Variants in DTNB observed in about 807,000 individuals in gnomAD.
DTNB encodes DTN-B.
DTNB carries 63 observed loss-of-function variants against 90.7 expected under a neutral mutation model. That is an observed-to-expected ratio of 0.69 (90% CI 0.57 to 0.86). The LOEUF (loss-of-function observed/expected upper bound fraction) is 0.86. Ranked by LOEUF, DTNB falls within the 40% of genes least tolerant of loss-of-function variation. The probability of loss-of-function intolerance (pLI) is 0.00; values close to 1 mark genes in which losing one functional copy is unlikely to be tolerated. For synonymous variants in DTNB, 277 were observed against 286.7 expected (o/e 0.97, Z 0.34); for missense variants, 744 against 807.1 (o/e 0.92, Z 0.95).
intron 8 of DTNB, among the ~76,000 whole-genome samples, chr2:25,563,222 AATT>A (rs2058521051): frequency 6.6e-6 from 1 of 152,192 alleles, no homozygotes; most frequent in African/African-American, 2.4e-5. Context: ...ATGAAACAAT[AATT>A]TCCCATTTTC....
chr2:25,641,411 A>G (rs1405930801), intron 2 of DTNB, among the ~76,000 whole-genome samples: 2 of 152,204 alleles, frequency 1.3e-5, no homozygotes, highest in East Asian at 3.8e-4. Flanking sequence ...CTGGTTTCTT[A>G]GAAGGAAAGT....
intron 12 of DTNB, among the ~76,000 whole-genome samples, chr2:25,444,345 A>G (rs2058055023): frequency 1.3e-5 from 2 of 152,012 alleles, no homozygotes; most frequent in South Asian, 4.1e-4. Context: ...CCTGGCCAAC[A>G]TGGTGAAACC....
intron 8 of DTNB, among the ~76,000 whole-genome samples, chr2:25,537,841 G>A (rs1032862022): frequency 6.6e-6 from 1 of 152,198 alleles, no homozygotes; most frequent in Non-Finnish European, 1.5e-5. Flanking sequence ...GACAGAAGAA[G>A]AACACTACAG....
chr2:25,628,200 G>A lies in DTNB; in HGVS notation c.333C>T (p.Leu111=), dbSNP rs1262039329. 3 of 1,613,768 alleles carry A rather than the reference G, an allele frequency of 1.9e-6. No homozygotes were observed. The highest frequency in any genetic ancestry group is 2.5e-6 in the Non-Finnish European group (3 of 1,179,882). ...QISVEQSISL[L]LNFMIAAYDS... The stretch of plus-strand genomic sequence containing the variant: ...CATATGCAGCAATCATAAAGTTGAG[G>A]AGGAGGCTGATAGATTGTTCCACAC... The change falls in exon 4 of 21, where the codon CTC becomes CTT. Residue 111 remains leucine (L), a synonymous_variant. Transcript: ENST00000406818.
At chr2:25,463,675 G>A (rs187086912) in intron 10 of DTNB, among the ~76,000 whole-genome samples, 4 of 152,308 alleles carry the variant, frequency 2.6e-5, no homozygotes, top group Admixed American at 1.3e-4. Context: ...ACTGCTACAC[G>A]TGCTGCAGGC....
intron 16 of DTNB, among the ~76,000 whole-genome samples, chr2:25,392,281 G>A (rs1198182953): frequency 2.0e-5 from 3 of 152,006 alleles, no homozygotes; most frequent in Admixed American, 6.6e-5. Flanking sequence ...GTGGTGGCAC[G>A]CACCTGTAAT....
intron 9 of DTNB, among the ~76,000 whole-genome samples, chr2:25,526,743 C>T (rs766302128): frequency 7.9e-5 from 12 of 151,824 alleles, no homozygotes; most frequent in South Asian, 4.2e-4. Flanking sequence ...TTTTTAAGAA[C>T]GTATGCTAAC....
intron 10 of DTNB, among the ~76,000 whole-genome samples, chr2:25,460,908 T>G (rs1039778761): frequency 6.6e-6 from 1 of 151,702 alleles, no homozygotes; most frequent in African/African-American, 2.4e-5. Flanking sequence ...TTTTGTTTTT[T>G]TTTTTTTGAG....
intron 1 of DTNB, among the ~76,000 whole-genome samples, chr2:25,667,429 A>G (rs1051626689): frequency 1.3e-5 from 2 of 152,064 alleles, no homozygotes; most frequent in Non-Finnish European, 2.9e-5. Context: ...GTAGAGGCAG[A>G]GGCTGCAGTG....
At chr2:25,383,114 T>G (rs901263620) in intron 19 of DTNB, among the ~76,000 whole-genome samples, 1 of 152,188 alleles carries the variant, frequency 6.6e-6, no homozygotes, top group African/African-American at 2.4e-5. Context: ...CACAACAATC[T>G]CTTCCTTTTC....
intron 2 of DTNB, among the ~76,000 whole-genome samples, chr2:25,649,028 G>A (rs1016863309): frequency 4.4e-5 from 5 of 112,912 alleles, no homozygotes; most frequent in Admixed American, 2.5e-4. Flanking sequence ...TTTTTGAGAC[G>A]GAGTCTCGCT....
chr2:25,396,501 A>C (rs2042391141), intron 16 of DTNB, among the ~76,000 whole-genome samples: 1 of 151,388 alleles, frequency 6.6e-6, no homozygotes, highest in Non-Finnish European at 1.5e-5. Flanking sequence ...ACAGAGCAAG[A>C]CACTGTCTCA....
chr2:25,513,529 C>T (rs148283982), intron 9 of DTNB, among the ~76,000 whole-genome samples: 91 of 151,858 alleles, frequency 6.0e-4, no homozygotes, highest in African/African-American at 2.1e-3. Context: ...TGAAACTAGC[C>T]GGCCAACATG....
At chr2:25,403,324 C>T (rs963933336) in intron 16 of DTNB, among the ~76,000 whole-genome samples, 1 of 152,150 alleles carries the variant, frequency 6.6e-6, no homozygotes, top group Non-Finnish European at 1.5e-5. Flanking sequence ...CCATGTTGGC[C>T]AGGGTGGTCT....
chr2:25,381,827 A>C (rs1244315991), intron 19 of DTNB, among the ~76,000 whole-genome samples: 1 of 152,200 alleles, frequency 6.6e-6, no homozygotes. Context: ...CTTCCTCAGC[A>C]ATTTCAGGGT....
At chr2:25,587,662 CA>C (rs1559137401) in intron 6 of DTNB, among the ~76,000 whole-genome samples, 1 of 152,118 alleles carries the variant, frequency 6.6e-6, no homozygotes, top group Non-Finnish European at 1.5e-5. Flanking sequence ...AAAAAGAAAA[CA>C]ATCTTGAAGC....
At chr2:25,668,918 T>C (rs901679316) in intron 1 of DTNB, among the ~76,000 whole-genome samples, 1 of 152,188 alleles carries the variant, frequency 6.6e-6, no homozygotes, top group African/African-American at 2.4e-5. Flanking sequence ...TGTGGTATAT[T>C]CATACCATGG....
intron 10 of DTNB, among the ~76,000 whole-genome samples, chr2:25,472,606 G>A (rs549590464): frequency 3.9e-5 from 6 of 152,264 alleles, no homozygotes; most frequent in African/African-American, 9.6e-5. Flanking sequence ...AAATTAGGCC[G>A]GGTGCAGTGG....
At chr2:25,593,185 A>G (rs1268030739) in intron 6 of DTNB, among the ~76,000 whole-genome samples, 1 of 152,210 alleles carries the variant, frequency 6.6e-6, no homozygotes, top group Non-Finnish European at 1.5e-5. Context: ...CTTCTTTCTT[A>G]AAATAGTCAT....
Sources: allele counts gnomAD v4.1 joint callset (sites outside exome capture counted in the v4.1 genomes callset), GRCh38; gene constraint gnomAD v4.1.1; transcripts MANE v1.5; gene names NCBI Gene and HGNC (gene_info 2026-07-23, HGNC 2026-07-21).